The following FGF2 variants were observed in gnomAD, a reference collection of about 807,000 sequenced individuals.
The protein encoded by FGF2 is basic fibroblast growth factor bFGF.
FGF2 carries 13 observed loss-of-function variants against 15.9 expected under a neutral mutation model. The observed-to-expected ratio is 0.82, with a 90% CI of 0.53 to 1.30. FGF2 has a LOEUF of 1.30. FGF2 is among the 50% of genes most tolerant of loss of function. FGF2 has a pLI of 0.00. For missense variants in FGF2, 163 were observed against 196.9 expected (o/e 0.83, Z 1.03); for synonymous variants, 90 against 78.4 (o/e 1.15, Z -0.78).
chr4:122,846,850 A>G (rs1388991360), intron 1 of FGF2, among the ~76,000 whole-genome samples: 1 of 152,194 alleles, frequency 6.6e-6, no homozygotes, highest in Non-Finnish European at 1.5e-5. Flanking sequence ...GGAAGGAGAG[A>G]GATAGGATAG....
rs370146028 is a variant in FGF2, at chr4:122,883,393, T to G, written c.282+6969T>G. ...TGTTTTCAGGTTACCGATTTTGTGT[T>G]GTTTGAAAACATTTCTTAAGGGTCT... On this transcript the variant is annotated intron_variant, in intron 2 of 2. Transcript: ENST00000644866. 2.6e-4 allele frequency among the ~76,000 whole-genome samples: 40 copies of G among 152,372 alleles called. No individual in the cohort carries two copies. In the South Asian group the frequency reaches 6.6e-3, roughly 25 times the overall value.
At chr4:122,881,688 A>T (rs1321237712) in intron 2 of FGF2, among the ~76,000 whole-genome samples, 4 of 152,194 alleles carry the variant, frequency 2.6e-5, no homozygotes, top group Non-Finnish European at 5.9e-5. Flanking sequence ...AAGGAGTTCC[A>T]AACTTTCCCA....
rs568549860 is a variant in FGF2 at position 122,875,350 on chromosome 4, A to G, written c.179-971A>G. ...TTTATGAAAATCTTTCATCACACTT[A>G]TTTTATGAAAATCATTTGCTGTGTA... On this transcript the variant is annotated intron_variant, in intron 1 of 2. Transcript: ENST00000644866. Among the ~76,000 whole-genome samples the G allele has an allele frequency of 2.0e-5, 3 of 151,794 alleles. No individual in the cohort carries two copies. In the East Asian group the frequency reaches 5.9e-4, roughly 30 times the overall value.
intron 1 of FGF2, among the ~76,000 whole-genome samples, chr4:122,846,202 C>G (rs1280209321): frequency 3.3e-5 from 5 of 152,058 alleles, no homozygotes; most frequent in Admixed American, 3.3e-4. Flanking sequence ...AGTTTGTGGT[C>G]CCTCAAAACA....
At chr4:122,868,890 A>G (rs1490166417) in intron 1 of FGF2, among the ~76,000 whole-genome samples, 1 of 151,742 alleles carries the variant, frequency 6.6e-6, no homozygotes, top group Non-Finnish European at 1.5e-5. Context: ...TTTTTTCCTT[A>G]TGTTTGTTGG....
rs957271937 is a variant in FGF2 at position 122,896,771 on chromosome 4, T to G, written c.*4375T>G. On this transcript the variant is annotated 3_prime_UTR_variant, in exon 3 of 3. Coordinates refer to ENST00000644866, the MANE Select transcript of FGF2 (RefSeq NM_001361665.2). ...AAATCAAGCTTTAAGTACATGGACA[T>G]TTTTAAATAAAATATTTAAAGACAA... 6.6e-6 allele frequency: 1 copy of G among 152,202 alleles called. No individual in the cohort carries two copies. Among genetic ancestry groups the G allele is most frequent in the African/African-American group, 2.4e-5 (1 of 41,456 alleles). The allele number at this position is 152,202 out of a possible 1,614,324, so 9.4% of individuals were successfully genotyped here.
intron 1 of FGF2, among the ~76,000 whole-genome samples, chr4:122,869,460 A>G (rs895923219): frequency 3.9e-5 from 6 of 152,162 alleles, no homozygotes; most frequent in Admixed American, 3.9e-4. Context: ...GATTCTTCCT[A>G]TCCTTGAGGA....
chr4:122,848,734 G>A (rs1414599329), intron 1 of FGF2, among the ~76,000 whole-genome samples: 1 of 152,200 alleles, frequency 6.6e-6, no homozygotes, highest in Non-Finnish European at 1.5e-5. Context: ...TTCTGTCAGA[G>A]CATTATTCCC....
At position 122,872,599 on chromosome 4, in the gene FGF2, G is replaced by C. The variant is rs45547340; in HGVS notation, c.179-3722G>C. Among the ~76,000 whole-genome samples the C allele has an allele frequency of 2.6e-4, 40 of 152,042 alleles. No individual in the cohort carries two copies. In the South Asian group the frequency reaches 6.7e-3, roughly 25 times the overall value. The stretch of plus-strand genomic sequence containing the variant: ...CAGATTCTCCAAGGTTGAAATGAAG[G>C]AAAAACTGTTAAGGGCAGCCAGAGA... On this transcript the variant is annotated intron_variant, in intron 1 of 2. Coordinates refer to ENST00000644866, the MANE Select transcript of FGF2 (RefSeq NM_001361665.2).
chr4:122,877,535 A>G (rs1205528653), intron 2 of FGF2, among the ~76,000 whole-genome samples: 32 of 152,230 alleles, frequency 2.1e-4, no homozygotes, highest in Non-Finnish European at 1.5e-5. Context: ...TAGAAACGGG[A>G]CTGCATATCT....
At chr4:122,858,518 C>G (rs1382252413) in intron 1 of FGF2, among the ~76,000 whole-genome samples, 1 of 152,154 alleles carries the variant, frequency 6.6e-6, no homozygotes, top group Non-Finnish European at 1.5e-5. Context: ...CTGCCTCAGC[C>G]TCCTGAGTAG....
chr4:122,892,152 T>G, intron 2 of FGF2, 59 bp from the exon 3 acceptor site: 1 of 1,351,490 alleles, frequency 7.4e-7, no homozygotes, highest in South Asian at 1.2e-5. Context: ...ATATTTAATA[T>G]GAAAAGTGTA....
chr4:122,868,760 C>T (rs1011012693), intron 1 of FGF2, among the ~76,000 whole-genome samples: 1 of 152,164 alleles, frequency 6.6e-6, no homozygotes, highest in African/African-American at 2.4e-5. Context: ...TCTATTTCTC[C>T]ACAGCCTTGC....
chr4:122,861,635 C>T (rs1379991883), intron 1 of FGF2, among the ~76,000 whole-genome samples: 1 of 152,064 alleles, frequency 6.6e-6, no homozygotes, highest in Non-Finnish European at 1.5e-5. Context: ...TCCTTTGTCC[C>T]CACTGTTTCA....
chr4:122,870,926 T>C (rs1417372090), intron 1 of FGF2, among the ~76,000 whole-genome samples: 1 of 152,180 alleles, frequency 6.6e-6, no homozygotes, highest in Admixed American at 6.5e-5. Context: ...GGGTGTTGAT[T>C]TGAGATCTTT....
intron 1 of FGF2, among the ~76,000 whole-genome samples, chr4:122,868,974 T>G (rs1478183916): frequency 6.6e-6 from 1 of 152,322 alleles, no homozygotes; most frequent in East Asian, 1.9e-4. Context: ...TGTTTTTTTC[T>G]TGTAAATTTG....
intron 2 of FGF2, among the ~76,000 whole-genome samples, chr4:122,891,758 C>T (rs1317142626): frequency 6.6e-6 from 1 of 152,160 alleles, no homozygotes; most frequent in Non-Finnish European, 1.5e-5. Flanking sequence ...ATGGGTTAGC[C>T]TTCTACTGCT....
At chr4:122,826,822 C>T, upstream of FGF2, 1 of 1,459,206 alleles carries the variant, frequency 6.9e-7, no homozygotes, top group Non-Finnish European at 9.1e-7. Flanking sequence ...ACGCCGCGGC[C>T]CGGCGGGTGC....
intron 2 of FGF2, chr4:122,881,860 C>A (rs541779834): frequency 2.6e-4 from 40 of 156,272 alleles, no homozygotes; most frequent in African/African-American, 9.6e-4. Context: ...AAAAGACATA[C>A]CCAAGACTAG....
Sources: allele counts gnomAD v4.1 joint callset (sites outside exome capture counted in the v4.1 genomes callset), GRCh38; gene constraint gnomAD v4.1.1; transcripts MANE v1.5; gene names NCBI Gene and HGNC (gene_info 2026-07-23, HGNC 2026-07-21).